The following PPARG variants were observed in gnomAD, a reference collection of about 807,000 sequenced individuals.
PPARG encodes peroxisome proliferator-activated receptor gamma.
Under a neutral mutation model 39.2 loss-of-function variants are expected in PPARG, and 17 were observed. The ratio of observed to expected loss-of-function variants is 0.43; its 90% CI spans 0.30 to 0.65. The LOEUF is 0.65. Ranked by LOEUF, PPARG falls within the 30% of genes least tolerant of loss-of-function variation. The probability of loss-of-function intolerance (pLI) is 0.13; values close to 1 mark genes in which losing one functional copy is unlikely to be tolerated. For synonymous variants in PPARG, 223 were observed against 215.7 expected (o/e 1.03, Z -0.30); for missense variants, 406 against 585.9 (o/e 0.69, Z 3.17).
intron 1 of PPARG, among the ~76,000 whole-genome samples, chr3:12,297,249 A>T (rs2046810285): frequency 6.6e-6 from 1 of 152,216 alleles, no homozygotes; most frequent in African/African-American, 2.4e-5. Flanking sequence ...AACTCTGAAG[A>T]ATATTTAAAA....
chr3:12,317,957 C>T (rs949261303), intron 2 of PPARG, among the ~76,000 whole-genome samples: 4 of 152,176 alleles, frequency 2.6e-5, no homozygotes, highest in African/African-American at 4.8e-5. Flanking sequence ...GAGATTAGAA[C>T]GATGTGAGTG....
At chr3:12,305,197 C>A (rs958342997) in intron 1 of PPARG, among the ~76,000 whole-genome samples, 2 of 152,048 alleles carry the variant, frequency 1.3e-5, no homozygotes, top group African/African-American at 4.8e-5. Flanking sequence ...CTCTCTTTCC[C>A]AATTGCTACT....
intron 1 of PPARG, among the ~76,000 whole-genome samples, chr3:12,311,301 G>A (rs1317026602): frequency 1.3e-5 from 2 of 151,908 alleles, no homozygotes; most frequent in East Asian, 1.9e-4. Flanking sequence ...ACAGGATTTC[G>A]CTGTGGTGCT....
At chr3:12,335,572 G>A (rs970191387) in intron 2 of PPARG, among the ~76,000 whole-genome samples, 4 of 152,042 alleles carry the variant, frequency 2.6e-5, no homozygotes, top group Non-Finnish European at 4.4e-5. Context: ...TAATTGAAAC[G>A]GGCATTACTT....
At position 12,434,112 on chromosome 3, in the gene PPARG, G is replaced by C; in HGVS notation, c.1395G>C (p.Pro465=). ...KKTETDMSLH[P]LLQEIYKDLY ...CGGAGACAGACATGAGTCTTCACCC[G>C]CTCCTGCAGGAGATCTACAAGGACT... The change falls in exon 8 of 8, where the codon CCG becomes CCC. Residue 465 remains proline, a synonymous_variant. Coordinates refer to ENST00000651735, the MANE Select transcript of PPARG (RefSeq NM_138711.6). The surrounding 1 kb of genome is among the most constrained non-coding windows in gnomAD (Gnocchi z 4.2). 2 of 1,614,004 alleles carry C rather than the reference G, an allele frequency of 1.2e-6. No homozygotes were observed. Among genetic ancestry groups the C allele is most frequent in the Non-Finnish European group, 1.7e-6 (2 of 1,179,988 alleles).
chr3:12,420,499 G>C (rs894873427), intron 7 of PPARG, among the ~76,000 whole-genome samples: 2 of 152,220 alleles, frequency 1.3e-5, no homozygotes, highest in Non-Finnish European at 2.9e-5. Flanking sequence ...AAGTGCTTTT[G>C]TTGGGGATCC....
intron 7 of PPARG, among the ~76,000 whole-genome samples, chr3:12,419,455 TATTTTATTTTACTTC>T (rs2051187701): frequency 6.6e-6 from 1 of 152,082 alleles, no homozygotes; most frequent in Non-Finnish European, 1.5e-5. Flanking sequence ...ATTTATCTAG[TATTTTATTTTACTTC>T]ATTTTATTTT....
intron 2 of PPARG, among the ~76,000 whole-genome samples, chr3:12,325,497 A>T (rs1161327847): frequency 3.3e-5 from 5 of 152,122 alleles, no homozygotes; most frequent in Non-Finnish European, 7.4e-5. Flanking sequence ...GATACTCGGG[A>T]GGCTGAGGCA....
chr3:12,399,264 C>A, intron 5 of PPARG: 1 of 424,292 alleles, frequency 2.4e-6, no homozygotes, highest in Non-Finnish European at 4.7e-6. Flanking sequence ...GTTTAAATGT[C>A]CTCTACAAAT....
At position 12,351,701 on chromosome 3, in the gene PPARG, T is replaced by C. The variant is rs565261168; in HGVS notation, c.-8-28003T>C. The C allele has an allele frequency of 7.1e-6, 11 of 1,540,484 alleles. 1 individual carries two copies. The highest frequency in any genetic ancestry group is 3.3e-5 in the Admixed American group (2 of 59,900). On this transcript the variant is annotated intron_variant, in intron 2 of 7. Coordinates refer to ENST00000651735, the MANE Select transcript of PPARG (RefSeq NM_138711.6). ...TAAAGTTCCTTCCAGATACGGCTAT[T>C]GGGGACGTGGGGGCATTTATGTAAG...
intron 7 of PPARG, among the ~76,000 whole-genome samples, chr3:12,425,284 G>A (rs4135295): frequency 0.013 from 1,993 of 152,300 alleles, 56 homozygotes; most frequent in African/African-American, 0.046. Context: ...GACTTCATGT[G>A]TTTAGACCAT....
chr3:12,394,105 C>T (rs1278439410), intron 5 of PPARG, among the ~76,000 whole-genome samples: 1 of 152,136 alleles, frequency 6.6e-6, no homozygotes, highest in Non-Finnish European at 1.5e-5. Context: ...TAAGGGCAAG[C>T]TTCCAAGTCA....
At chr3:12,307,907 T>G (rs183735048) in intron 1 of PPARG, among the ~76,000 whole-genome samples, 1 of 152,172 alleles carries the variant, frequency 6.6e-6, no homozygotes, top group Non-Finnish European at 1.5e-5. Context: ...TGTTTAGAGA[T>G]AGATTTGGGA....
At chr3:12,332,473 C>A (rs1023586524) in intron 2 of PPARG, among the ~76,000 whole-genome samples, 3 of 152,002 alleles carry the variant, frequency 2.0e-5, no homozygotes, top group African/African-American at 7.2e-5. Context: ...TAGCATTTGC[C>A]CATTTGTTCT....
chr3:12,402,685 G>A (rs2050516924), intron 5 of PPARG, among the ~76,000 whole-genome samples: 2 of 152,058 alleles, frequency 1.3e-5, no homozygotes, highest in Admixed American at 6.6e-5. Flanking sequence ...GTGGATGGAT[G>A]GCCCATCAAA....
In PPARG at chr3:12,421,963, G is replaced by A. The variant is rs1165832255; in HGVS notation, c.1180+4809G>A. Among the ~76,000 whole-genome samples the A allele has an allele frequency of 5.9e-5, 6 of 101,554 alleles. No individual in the cohort carries two copies. In the East Asian group the frequency reaches 1.2e-3, roughly 20 times the overall value. The allele number at this position is 101,554 out of a possible 152,430, so 66.6% of individuals were successfully genotyped here. On this transcript the variant is annotated intron_variant, in intron 7 of 7. Transcript: ENST00000651735. ...AGAATAGGGTAGAAGCAGGGGAATTGTTCTCATTGCTATGCATTTATAGAT... is the reference window on the plus strand; with the variant it reads ...AGAATAGGGTAGAAGCAGGGGAATTATTCTCATTGCTATGCATTTATAGAT...
At chr3:12,315,440 G>A (rs564859774) in intron 2 of PPARG, among the ~76,000 whole-genome samples, 1 of 152,224 alleles carries the variant, frequency 6.6e-6, no homozygotes, top group East Asian at 1.9e-4. Context: ...GGGGAAGCTG[G>A]CTGAAAGGTA....
chr3:12,351,436 C>G, intron 2 of PPARG: 1 of 675,714 alleles, frequency 1.5e-6, no homozygotes, highest in South Asian at 1.7e-5. Context: ...TGTGTTTATT[C>G]CCATCTCTCC....
chr3:12,417,902 CTT>C (rs869086237), intron 7 of PPARG, among the ~76,000 whole-genome samples: 758 of 65,618 alleles, frequency 0.012, no homozygotes, highest in African/African-American at 0.022. Context: ...TTTTTTTTTC[CTT>C]TTTTTTTTTT....
Sources: gnomAD v4.1 joint callset for allele counts (sites outside exome capture counted in the v4.1 genomes callset) on GRCh38, gnomAD v4.1.1 for gene constraint, Gnocchi (gnomAD v3.1) non-coding constraint, MANE v1.5 for transcripts, NCBI Gene and HGNC (gene_info 2026-07-23, HGNC 2026-07-21) for gene names.